Variants in BBOX1 observed in about 807,000 individuals in gnomAD.
BBOX1 encodes the protein gamma-butyrobetaine hydroxylase 1.
BBOX1 carries 35 observed loss-of-function variants against 41.6 expected under a neutral mutation model. That is an observed-to-expected ratio of 0.84 (90% CI 0.64 to 1.11). BBOX1 has a LOEUF of 1.11. Among genes scored for constraint, BBOX1 ranks in the 50% most tolerant of loss-of-function variants. BBOX1 has a pLI of 0.00. For synonymous variants in BBOX1, 163 were observed against 154.7 expected (o/e 1.05, Z -0.40); for missense variants, 458 against 460.6 (o/e 0.99, Z 0.05).
At chr11:27,102,142 A>G (rs1417449709) in intron 5 of BBOX1, among the ~76,000 whole-genome samples, 2 of 152,144 alleles carry the variant, frequency 1.3e-5, no homozygotes, top group Non-Finnish European at 2.9e-5. Flanking sequence ...AGGGGAGGAA[A>G]AAAAGGATAT....
At chr11:27,070,591 C>A (rs187122502) in intron 4 of BBOX1, among the ~76,000 whole-genome samples, 1 of 152,012 alleles carries the variant, frequency 6.6e-6, no homozygotes, top group Admixed American at 6.6e-5. Flanking sequence ...CTTCTGCTCG[C>A]TTTTGGTTTC....
rs189219710 is a variant in BBOX1, at chr11:27,111,985, G to A, written c.534-3467G>A. Among the ~76,000 whole-genome samples, 465 of 152,050 alleles carry A rather than the reference G, an allele frequency of 3.1e-3. 2 individuals carry two copies. Among genetic ancestry groups the A allele is most frequent in the African/African-American group, 0.011 (443 of 41,524 alleles). On this transcript the variant is annotated intron_variant, in intron 5 of 8. Transcript: ENST00000263182. ...CATCAAAAAAGAAAGACAGCCAGGC[G>A]TTATGTGTCTGGCAATACAAGAACA...
At chr11:27,073,821 C>A (rs898442507) in intron 4 of BBOX1, among the ~76,000 whole-genome samples, 1 of 151,952 alleles carries the variant, frequency 6.6e-6, no homozygotes, top group Non-Finnish European at 1.5e-5. Flanking sequence ...GACAAAAAAC[C>A]AAACACTTGC....
intron 4 of BBOX1, among the ~76,000 whole-genome samples, chr11:27,069,242 C>T (rs539983783): frequency 3.3e-5 from 5 of 152,022 alleles, no homozygotes; most frequent in East Asian, 1.9e-4. Context: ...GTTTGTGTCA[C>T]GTATGATTTC....
chr11:27,113,999 T>C (rs747513862), intron 5 of BBOX1, among the ~76,000 whole-genome samples: 5 of 151,650 alleles, frequency 3.3e-5, no homozygotes, highest in Non-Finnish European at 7.4e-5. Context: ...TTACATATAA[T>C]AAATCCCATA....
intron 6 of BBOX1, among the ~76,000 whole-genome samples, chr11:27,117,244 A>T (rs1859299843): frequency 6.6e-6 from 1 of 152,000 alleles, no homozygotes; most frequent in South Asian, 2.1e-4. Context: ...GGCCAAAATC[A>T]CAATTAGCCC....
intron 4 of BBOX1, among the ~76,000 whole-genome samples, chr11:27,091,509 A>G (rs959356063): frequency 6.6e-6 from 1 of 151,934 alleles, no homozygotes; most frequent in Non-Finnish European, 1.5e-5. Flanking sequence ...ATTGTCTGTT[A>G]TTGATTTAAC....
chr11:27,067,602 C>A (rs1437572113), intron 4 of BBOX1, among the ~76,000 whole-genome samples: 1 of 151,422 alleles, frequency 6.6e-6, no homozygotes, highest in Non-Finnish European at 1.5e-5. Flanking sequence ...TGGTGGCATG[C>A]GACTGTAGTC....
intron 5 of BBOX1, among the ~76,000 whole-genome samples, chr11:27,110,383 C>T (rs72878476): frequency 0.051 from 7,790 of 152,012 alleles, 311 homozygotes; most frequent in South Asian, 0.19. Context: ...AATCTTCATC[C>T]TAGTCCCCAA....
At chr11:27,092,886 C>G (rs138303452) in intron 4 of BBOX1, among the ~76,000 whole-genome samples, 53 of 152,000 alleles carry the variant, frequency 3.5e-4, no homozygotes, top group African/African-American at 1.3e-3. Context: ...ACATACAGAT[C>G]AAGAGTCATT....
chr11:27,116,433 T>G (rs1264264937), intron 6 of BBOX1, among the ~76,000 whole-genome samples: 3 of 150,526 alleles, frequency 2.0e-5, no homozygotes, highest in Non-Finnish European at 4.4e-5. Context: ...GTAACAAACC[T>G]GCACATTCTG....
chr11:27,107,688 TA>T (rs2134077327), intron 5 of BBOX1, among the ~76,000 whole-genome samples: 1 of 152,174 alleles, frequency 6.6e-6, no homozygotes, highest in East Asian at 1.9e-4. Flanking sequence ...ACTAGGCTTT[TA>T]AAAAAGTTCC....
At chr11:27,078,744 G>A (rs1857722441) in intron 4 of BBOX1, among the ~76,000 whole-genome samples, 1 of 152,160 alleles carries the variant, frequency 6.6e-6, no homozygotes, top group Non-Finnish European at 1.5e-5. Flanking sequence ...TCAAGAAAGT[G>A]CTTCACTCAT....
Position 27,115,647 on chromosome 11 carries a change from G to A in BBOX1, c.639+90G>A, listed in dbSNP as rs11819947. 0.017 allele frequency: 18,733 copies of A among 1,131,154 alleles called. 1,869 individuals carry two copies. In the African/African-American group the frequency reaches 0.23, roughly 14 times the overall value. The allele number at this position is 1,131,154 out of a possible 1,614,324, so 70.1% of individuals were successfully genotyped here. A position where few individuals can be genotyped will look rare whatever the true frequency, so the allele number is the denominator to read the frequency against. On this transcript the variant is annotated intron_variant, in intron 6 of 8. Coordinates refer to ENST00000263182, the MANE Select transcript of BBOX1 (RefSeq NM_003986.3). Reference sequence around the variant, plus strand: ...GTCTAGAAGATTACACATTTCACCAGGTAGTTTGTCTTTTATAAATTTTTT... The same window carrying A: ...GTCTAGAAGATTACACATTTCACCAAGTAGTTTGTCTTTTATAAATTTTTT...
intron 2 of BBOX1, among the ~76,000 whole-genome samples, chr11:27,046,928 T>A (rs941737987): frequency 1.3e-5 from 2 of 151,584 alleles, no homozygotes; most frequent in Admixed American, 6.6e-5. Context: ...ATTTTTTTTT[T>A]AATTTTCATC....
intron 5 of BBOX1, among the ~76,000 whole-genome samples, chr11:27,102,165 A>G (rs929122450): frequency 6.6e-6 from 1 of 152,082 alleles, no homozygotes; most frequent in Non-Finnish European, 1.5e-5. Flanking sequence ...AACAGCTAAA[A>G]AATAGAAAAA....
At chr11:27,091,643 T>G (rs1858249318) in intron 4 of BBOX1, among the ~76,000 whole-genome samples, 1 of 151,864 alleles carries the variant, frequency 6.6e-6, no homozygotes, top group Admixed American at 6.6e-5. Flanking sequence ...AAAGCAATGC[T>G]TAAAGAACTG....
At chr11:27,068,934 T>C (rs1412848067) in intron 4 of BBOX1, among the ~76,000 whole-genome samples, 1 of 152,296 alleles carries the variant, frequency 6.6e-6, no homozygotes, top group East Asian at 1.9e-4. Flanking sequence ...GTTCTATGTG[T>C]TTACTTTTAT....
At chr11:27,065,501 T>C (rs529745972) in intron 4 of BBOX1, among the ~76,000 whole-genome samples, 1 of 152,310 alleles carries the variant, frequency 6.6e-6, no homozygotes, top group South Asian at 2.1e-4. Flanking sequence ...ACTGTAAACC[T>C]ACCAGGGGAG....
Sources: allele counts gnomAD v4.1 joint callset (sites outside exome capture counted in the v4.1 genomes callset), GRCh38; gene constraint gnomAD v4.1.1; transcripts MANE v1.5; gene names NCBI Gene and HGNC (gene_info 2026-07-23, HGNC 2026-07-21).